STEAP1B: variants seen among roughly 807,000 people sequenced by gnomAD.
STEAP1B encodes the protein STEAP family protein MGC87042.
Under a neutral mutation model 27.9 loss-of-function variants are expected in STEAP1B, and 13 were observed. The ratio of observed to expected loss-of-function variants is 0.47; its 90% CI spans 0.30 to 0.74. The LOEUF is 0.74. STEAP1B is among the 30% of genes least tolerant of loss of function. STEAP1B has a pLI of 0.06. For synonymous variants in STEAP1B, 86 were observed against 107.1 expected (o/e 0.80, Z 1.22); for missense variants, 250 against 298.7 (o/e 0.84, Z 1.20).
At chr7:22,456,972 A>ATATATATATATATATATATATATATTTT in intron 4 of STEAP1B, among the ~76,000 whole-genome samples, 4 of 57,080 alleles carry the variant, frequency 7.0e-5, no homozygotes, top group African/African-American at 2.8e-4. Context: ...ATATATATAT[A>ATATATATATATATATATATATATATTTT]TTTTTTTTTT....
At chr7:22,492,485 A>G in intron 4 of STEAP1B, 80 bp downstream of exon 4, 5 of 1,439,556 alleles carry the variant, frequency 3.5e-6, no homozygotes, top group Non-Finnish European at 4.6e-6. Context: ...GTTATTTTTT[A>G]TGGGGTAAAG....
At chr7:22,438,628 G>A (rs1785285193) in intron 4 of STEAP1B, 2 of 1,552,034 alleles carry the variant, frequency 1.3e-6, no homozygotes, top group African/African-American at 1.4e-5. Flanking sequence ...CCTAGTCTTG[G>A]AAGGTGGTGG....
At chr7:22,428,190 G>A (rs1468600507) in intron 4 of STEAP1B, among the ~76,000 whole-genome samples, 1 of 152,170 alleles carries the variant, frequency 6.6e-6, no homozygotes, top group Non-Finnish European at 1.5e-5. Context: ...CAGTACTCCC[G>A]GAATCAGAAG....
In STEAP1B at chr7:22,441,207, C is replaced by T. The variant is rs113652326; in HGVS notation, c.763-21371G>A. The stretch of plus-strand genomic sequence containing the variant: ...TTTGTATTATTTTAGTATTCCCTTC[C>T]TATCTCAAGTGTCCCAGGTTGGATA... On this transcript the variant is annotated intron_variant, in intron 4 of 4. Coordinates refer to ENST00000678116, the MANE Select transcript of STEAP1B (RefSeq NM_001382447.1). Among the ~76,000 whole-genome samples the T allele has an allele frequency of 4.1e-3, 617 of 152,108 alleles. 1 individual carries two copies. The highest frequency in any genetic ancestry group is 0.014 in the African/African-American group (597 of 41,500).
chr7:22,451,670 T>A (rs930855506), intron 4 of STEAP1B, among the ~76,000 whole-genome samples: 1 of 152,252 alleles, frequency 6.6e-6, no homozygotes, highest in African/African-American at 2.4e-5. Flanking sequence ...TCCTTCATTC[T>A]GTTGATGTAT....
intron 4 of STEAP1B, among the ~76,000 whole-genome samples, chr7:22,449,196 T>C (rs529812626): frequency 2.8e-4 from 42 of 152,332 alleles, no homozygotes; most frequent in Middle Eastern, 6.8e-3. Context: ...TTATTGACTA[T>C]AGTCACCCTG....
intron 4 of STEAP1B, among the ~76,000 whole-genome samples, chr7:22,455,939 AG>A (rs1785571751): frequency 6.6e-6 from 1 of 152,224 alleles, no homozygotes; most frequent in Non-Finnish European, 1.5e-5. Flanking sequence ...TGAGGTCAGG[AG>A]ATCAAGACCA....
In STEAP1B at chr7:22,493,748, G is replaced by C. The variant is rs1464865428; in HGVS notation, c.173C>G (p.Pro58Arg). Reference sequence around the variant, plus strand: ...TTCCTGTGCGTGCTGAAGTTCTGAAGGGCAGTCAAATTCATCAGCATGGGC... The same window carrying C: ...TTCCTGTGCGTGCTGAAGTTCTGAACGGCAGTCAAATTCATCAGCATGGGC... ...QTAHADEFDCPSELQHAQELF... is the reference protein window; with the variant it reads ...QTAHADEFDCRSELQHAQELF... The change falls in exon 3 of 5, where the codon CCT (proline) becomes CGT (arginine). Residue 58 changes from proline (P) to arginine (R), a missense_variant. Physicochemically the swap from Pro to Arg is moderately radical, Grantham distance 103. Coordinates refer to ENST00000678116, the MANE Select transcript of STEAP1B (RefSeq NM_001382447.1). The C allele has an allele frequency of 6.2e-7, 1 of 1,613,744 alleles. No homozygotes were observed. The highest frequency in any genetic ancestry group is 1.3e-5 in the African/African-American group (1 of 74,880).
At chr7:22,452,314 C>CCA (rs1785503659) in intron 4 of STEAP1B, among the ~76,000 whole-genome samples, 3 of 152,134 alleles carry the variant, frequency 2.0e-5, no homozygotes, top group Non-Finnish European at 4.4e-5. Context: ...CTGAGACCCT[C>CCA]CACACTCCAA....
intron 1 of STEAP1B, among the ~76,000 whole-genome samples, chr7:22,498,359 T>A (rs1435721338): frequency 6.6e-6 from 1 of 151,772 alleles, no homozygotes; most frequent in Non-Finnish European, 1.5e-5. Context: ...GAGACACAGC[T>A]CCAAACCATA....
At chr7:22,441,363 C>T (rs1297388528) in intron 4 of STEAP1B, among the ~76,000 whole-genome samples, 1 of 152,178 alleles carries the variant, frequency 6.6e-6, no homozygotes, top group Non-Finnish European at 1.5e-5. Context: ...CCTTCAGTTG[C>T]CCTTACCATG....
At chr7:22,427,794 A>G (rs1785127589) in intron 4 of STEAP1B, among the ~76,000 whole-genome samples, 1 of 152,238 alleles carries the variant, frequency 6.6e-6, no homozygotes, top group South Asian at 2.1e-4. Context: ...TTTGAAAAGA[A>G]ACTGGTAAAA....
At chr7:22,465,883 C>G (rs1339983566) in intron 4 of STEAP1B, among the ~76,000 whole-genome samples, 1 of 152,182 alleles carries the variant, frequency 6.6e-6, no homozygotes. Context: ...CACTCACCTC[C>G]TAATGGCCTC....
chr7:22,435,572 A>T (rs989214220), intron 4 of STEAP1B, among the ~76,000 whole-genome samples: 1 of 152,196 alleles, frequency 6.6e-6, no homozygotes, highest in Non-Finnish European at 1.5e-5. Flanking sequence ...TAAGAAGTCT[A>T]TAGTAACATC....
In STEAP1B at chr7:22,419,731, T is replaced by C. The variant is rs1282638467; in HGVS notation, c.*73A>G. ...CAGAGGGAAAGGGCACTGGGTGGTG[T>C]TCTGCATGAGCAATCCAATGCTGTG... On this transcript the variant is annotated 3_prime_UTR_variant, in exon 5 of 5. Coordinates refer to ENST00000678116, the MANE Select transcript of STEAP1B (RefSeq NM_001382447.1). 3.3e-6 allele frequency: 5 copies of C among 1,503,818 alleles called. No homozygotes were observed. In the East Asian group the frequency reaches 1.0e-4, roughly 30 times the overall value. 93.2% of individuals were successfully genotyped at this position (1,503,818 alleles called of 1,614,324 possible).
intron 4 of STEAP1B, among the ~76,000 whole-genome samples, chr7:22,477,243 T>C (rs1785988856): frequency 1.3e-5 from 2 of 152,240 alleles, no homozygotes; most frequent in South Asian, 4.1e-4. Context: ...ACTCAGCCAC[T>C]TGTTTTGACA....
At chr7:22,427,746 T>G (rs1785126928) in intron 4 of STEAP1B, among the ~76,000 whole-genome samples, 1 of 152,176 alleles carries the variant, frequency 6.6e-6, no homozygotes, top group South Asian at 2.1e-4. Context: ...GAGTAATAAA[T>G]GTACCTTTGA....
At position 22,479,554 on chromosome 7, in the gene STEAP1B, C is replaced by T. The variant is rs568451800; in HGVS notation, c.762+13011G>A. Reference sequence around the variant, plus strand: ...TGGCTGGCCAATCTTTTATGTGTAACTTGCTGACTTCAGACTCCCCTAGTT... The same window carrying T: ...TGGCTGGCCAATCTTTTATGTGTAATTTGCTGACTTCAGACTCCCCTAGTT... On this transcript the variant is annotated intron_variant, in intron 4 of 4. Transcript: ENST00000678116. Among the ~76,000 whole-genome samples, 3 of 152,208 alleles carry T rather than the reference C, an allele frequency of 2.0e-5. No homozygotes were observed. In the East Asian group the frequency reaches 5.8e-4, roughly 29 times the overall value.
At chr7:22,423,548 C>T (rs1185225509) in intron 4 of STEAP1B, among the ~76,000 whole-genome samples, 3 of 152,254 alleles carry the variant, frequency 2.0e-5, no homozygotes, top group Non-Finnish European at 2.9e-5. Flanking sequence ...TTATATGAAA[C>T]GTCCAGGAAT....
Sources: gnomAD v4.1 joint callset for allele counts (sites outside exome capture counted in the v4.1 genomes callset) on GRCh38, gnomAD v4.1.1 for gene constraint, MANE v1.5 for transcripts, NCBI Gene and HGNC (gene_info 2026-07-23, HGNC 2026-07-21) for gene names.